CLDN1: variants seen among roughly 807,000 people sequenced by gnomAD.
CLDN1 encodes claudin 1, also known as claudin-1.
In CLDN1, 12 loss-of-function variants were observed where a neutral mutation model predicts 22.6. The observed-to-expected ratio is 0.53, with a 90% CI of 0.34 to 0.86. CLDN1 has a LOEUF of 0.86. Among genes scored for constraint, CLDN1 ranks in the 40% least tolerant of loss-of-function variants. CLDN1 has a pLI of 0.02. For missense variants in CLDN1, 250 were observed against 269.5 expected, an observed-to-expected ratio of 0.93 and a Z score of 0.51; for synonymous variants, 99 against 103.8, an observed-to-expected ratio of 0.95 and a Z score of 0.28.
chr3:190,317,869 G>A (rs1411631993), intron 1 of CLDN1, among the ~76,000 whole-genome samples: 1 of 152,188 alleles, frequency 6.6e-6, no homozygotes, highest in Non-Finnish European at 1.5e-5. Flanking sequence ...AACCTGTGTT[G>A]TTCAAATGTT....
At chr3:190,311,248 A>G (rs1288757796) in intron 2 of CLDN1, among the ~76,000 whole-genome samples, 2 of 152,206 alleles carry the variant, frequency 1.3e-5, no homozygotes, top group Admixed American at 1.3e-4. Flanking sequence ...GGAAGAATGC[A>G]ATGCATTTCA....
In CLDN1 at chr3:190,322,419, G is replaced by C. The variant is rs1716954708; in HGVS notation, c.-213C>G. On this transcript the variant is annotated 5_prime_UTR_variant, in exon 1 of 4. Transcript: ENST00000295522. Reference sequence around the variant, plus strand: ...CTGGAGTCTGGATACTAGAAGCTGCGGTTGCTCCCAGGCTCGGGAACTGAG... The same window carrying C: ...CTGGAGTCTGGATACTAGAAGCTGCCGTTGCTCCCAGGCTCGGGAACTGAG... 1 of 593,664 alleles carries C rather than the reference G, an allele frequency of 1.7e-6. No individual in the cohort carries two copies. The highest frequency in any genetic ancestry group is 1.9e-5 in the African/African-American group (1 of 53,784). The allele number at this position is 593,664 out of a possible 1,614,324, so 36.8% of individuals were successfully genotyped here.
chr3:190,321,951 T>A, intron 1 of CLDN1, 33 bp downstream of exon 1: 1 of 1,588,386 alleles, frequency 6.3e-7, no homozygotes, highest in African/African-American at 1.3e-5. Context: ...CTGGGGCCTC[T>A]GGACGGCCGC....
In CLDN1 at chr3:190,308,150, T is replaced by G; in HGVS notation, c.*127A>C. The G allele has an allele frequency of 1.8e-6, 2 of 1,131,936 alleles. No individual in the cohort carries two copies. The highest frequency in any genetic ancestry group is 4.8e-5 in the East Asian group (2 of 42,094). 70.1% of individuals were successfully genotyped at this position (1,131,936 alleles called of 1,614,324 possible). Reference sequence around the variant, plus strand: ...TTTAACACATGGGTTTTTTGTTTGTTTGTTTGTTTTGTAATACCATACTTC... The same window carrying G: ...TTTAACACATGGGTTTTTTGTTTGTGTGTTTGTTTTGTAATACCATACTTC... On this transcript the variant is annotated 3_prime_UTR_variant, in exon 4 of 4. Coordinates refer to ENST00000295522, the MANE Select transcript of CLDN1 (RefSeq NM_021101.5).
At chr3:190,318,371 C>T (rs372115434) in intron 1 of CLDN1, among the ~76,000 whole-genome samples, 2 of 152,282 alleles carry the variant, frequency 1.3e-5, no homozygotes, top group Admixed American at 6.5e-5. Context: ...TGCCTCTTCC[C>T]CTTCAATCAC....
intron 1 of CLDN1, among the ~76,000 whole-genome samples, chr3:190,320,903 T>G (rs533162466): frequency 6.6e-6 from 1 of 152,342 alleles, no homozygotes; most frequent in South Asian, 2.1e-4. Context: ...GAATCATTAT[T>G]ATCTAAGTAA....
In CLDN1 at chr3:190,307,991, T is replaced by C. The variant is rs1232548346; in HGVS notation, c.*286A>G. Reference sequence around the variant, plus strand: ...ACATGTATATATACATATCTATATATATTTAAGGAGCACCCCTTCCCCCAG... The same window carrying C: ...ACATGTATATATACATATCTATATACATTTAAGGAGCACCCCTTCCCCCAG... On this transcript the variant is annotated 3_prime_UTR_variant, in exon 4 of 4. Coordinates refer to ENST00000295522, the MANE Select transcript of CLDN1 (RefSeq NM_021101.5). 2.8e-6 allele frequency: 1 copy of C among 354,894 alleles called. No individual in the cohort carries two copies. Among genetic ancestry groups the C allele is most frequent in the Non-Finnish European group, 5.4e-6 (1 of 186,386 alleles). 22.0% of individuals were successfully genotyped at this position (354,894 alleles called of 1,614,324 possible). A position where few individuals can be genotyped will look rare whatever the true frequency, so the allele number is the denominator to read the frequency against.
Position 190,321,997 on chromosome 3 carries a change from C to CA in CLDN1, c.209dup (p.Leu70PhefsTer43). On this transcript the variant is annotated frameshift_variant, in exon 1 of 4. Coordinates refer to ENST00000295522, the MANE Select transcript of CLDN1 (RefSeq NM_021101.5). LOFTEE classifies it high-confidence loss of function. Reference sequence around the variant, plus strand: ...GGGTGCACTCACTGCTCAGATTCAGCAAGGAGTCAAAGACTTTGCACTGGA... The same window carrying CA: ...GGGTGCACTCACTGCTCAGATTCAGCAAAGGAGTCAAAGACTTTGCACTGGA... 6.2e-7 allele frequency: 1 copy of CA among 1,614,156 alleles called. No homozygotes were observed. Among genetic ancestry groups the CA allele is most frequent in the Non-Finnish European group, 8.5e-7 (1 of 1,180,012 alleles).
intron 2 of CLDN1, among the ~76,000 whole-genome samples, chr3:190,312,058 G>A (rs1252965144): frequency 6.6e-6 from 1 of 151,638 alleles, no homozygotes; most frequent in Non-Finnish European, 1.5e-5. Context: ...AGCCTCTGGA[G>A]TATATGGGAT....
chr3:190,310,470 A>G (rs1045359990), intron 2 of CLDN1, among the ~76,000 whole-genome samples: 1 of 152,212 alleles, frequency 6.6e-6, no homozygotes, highest in Non-Finnish European at 1.5e-5. Context: ...GACAAAATTT[A>G]TACTTTTTTA....
At position 190,307,154 on chromosome 3, in the gene CLDN1, G is replaced by C. The variant is rs1450074825; in HGVS notation, c.*1123C>G. On this transcript the variant is annotated 3_prime_UTR_variant, in exon 4 of 4. Coordinates refer to ENST00000295522, the MANE Select transcript of CLDN1 (RefSeq NM_021101.5). ...TCAATTTGGCAGATAGAAAAAAGAG[G>C]TAGAAAGATTAAGTGACTTGCTTAC... 1 of 152,604 alleles carries C rather than the reference G, an allele frequency of 6.6e-6. No individual in the cohort carries two copies. The highest frequency in any genetic ancestry group is 1.5e-5 in the Non-Finnish European group (1 of 68,034). The allele number at this position is 152,604 out of a possible 1,614,324, so 9.5% of individuals were successfully genotyped here.
intron 3 of CLDN1, 68 bp from the exon 4 acceptor site, chr3:190,308,507 G>A: frequency 2.8e-6 from 4 of 1,429,778 alleles, no homozygotes; most frequent in African/African-American, 2.9e-5. Flanking sequence ...ATAATAAAAG[G>A]AAAAAAAATC....
Position 190,322,290 on chromosome 3 carries a change from A to C in CLDN1, c.-84T>G, listed in dbSNP as rs1187465515. 44 of 1,230,560 alleles carry C rather than the reference A, an allele frequency of 3.6e-5. No homozygotes were observed. The highest frequency in any genetic ancestry group is 5.2e-5 in the Non-Finnish European group (44 of 853,076). 76.2% of individuals were successfully genotyped at this position (1,230,560 alleles called of 1,614,324 possible). A position where few individuals can be genotyped will look rare whatever the true frequency, so the allele number is the denominator to read the frequency against. On this transcript the variant is annotated 5_prime_UTR_variant, in exon 1 of 4. Coordinates refer to ENST00000295522, the MANE Select transcript of CLDN1 (RefSeq NM_021101.5). ...GCAGGTGGGCAACCCGGACTCCCGAAGGTGGCTGGGCCCCGCGGAGGAAGT... is the reference window on the plus strand; with the variant it reads ...GCAGGTGGGCAACCCGGACTCCCGACGGTGGCTGGGCCCCGCGGAGGAAGT...
intron 1 of CLDN1, among the ~76,000 whole-genome samples, chr3:190,314,124 A>G (rs1716699606): frequency 6.6e-6 from 1 of 152,208 alleles, no homozygotes; most frequent in African/African-American, 2.4e-5. Flanking sequence ...TAATATTTCA[A>G]TTATATAAGT....
At chr3:190,311,158 T>C (rs3774025) in intron 2 of CLDN1, among the ~76,000 whole-genome samples, 100,433 of 151,946 alleles carry the variant, frequency 0.66, 34,157 homozygotes, top group African/African-American at 0.82. Context: ...GAACTTGTGA[T>C]GCTTACTCCT....
At chr3:190,310,503 C>CT (rs1312011478) in intron 2 of CLDN1, among the ~76,000 whole-genome samples, 1 of 151,980 alleles carries the variant, frequency 6.6e-6, no homozygotes, top group Admixed American at 6.6e-5. Flanking sequence ...ACAAATAATT[C>CT]TTTTTTGGAA....
intron 3 of CLDN1, among the ~76,000 whole-genome samples, chr3:190,308,996 T>C (rs56328838): frequency 0.15 from 22,593 of 152,058 alleles, 1,906 homozygotes; most frequent in African/African-American, 0.22. Context: ...AAGCAGACAC[T>C]TAGGGTGGGG....
rs759281475 is a variant in CLDN1 at position 190,321,969 on chromosome 3, T to TG, written c.223+14dup. ...GGGCCTCTGGACGGCCGCTGTGAGG[T>TG]GGGGGTGCACTCACTGCTCAGATTC... is the stretch of plus-strand genomic sequence containing the variant. On this transcript the variant is annotated intron_variant, in intron 1 of 3. Coordinates refer to ENST00000295522, the MANE Select transcript of CLDN1 (RefSeq NM_021101.5). The TG allele has an allele frequency of 6.8e-6, 11 of 1,608,484 alleles. No homozygotes were observed. The Admixed American group carries it at 1.5e-4, about 22-fold the overall frequency.
chr3:190,312,850 A>AG (rs1560074595), intron 2 of CLDN1, 22 bp downstream of exon 2: 1 of 1,613,020 alleles, frequency 6.2e-7, no homozygotes, highest in Non-Finnish European at 8.5e-7. Flanking sequence ...GTAAGGTGAA[A>AG]GGGGGGCACA....
Sources: allele counts gnomAD v4.1 joint callset (sites outside exome capture counted in the v4.1 genomes callset), GRCh38; gene constraint gnomAD v4.1.1; transcripts MANE v1.5; gene names NCBI Gene and HGNC (gene_info 2026-07-23, HGNC 2026-07-21).